Variants in MSRA observed in about 807,000 individuals in gnomAD.
MSRA encodes mitochondrial peptide methionine sulfoxide reductase.
A neutral mutation model predicts 31.3 loss-of-function variants in MSRA; 54 were observed. That is an observed-to-expected ratio of 1.73 (90% confidence interval 1.39 to 2.17). The LOEUF (loss-of-function observed/expected upper bound fraction) is 2.17. Ranked by LOEUF, MSRA falls within the 30% of genes most tolerant of loss-of-function variation. The pLI is 0.00. For missense variants in MSRA, 507 were observed against 300.9 expected (o/e 1.69, Z -5.07); for synonymous variants, 169 against 116.5 (o/e 1.45, Z -2.90).
intron 1 of MSRA, among the ~76,000 whole-genome samples, chr8:10,075,691 C>G (rs1192230315): frequency 6.6e-6 from 1 of 152,182 alleles, no homozygotes; most frequent in Admixed American, 6.5e-5. Flanking sequence ...GATGATTTTA[C>G]GATATAACAA....
intron 1 of MSRA, among the ~76,000 whole-genome samples, chr8:10,097,107 T>C (rs957231769): frequency 2.0e-5 from 3 of 152,216 alleles, no homozygotes; most frequent in Non-Finnish European, 4.4e-5. Flanking sequence ...ATTAATTGTT[T>C]CACATGTTTT....
intron 2 of MSRA, among the ~76,000 whole-genome samples, chr8:10,236,129 C>T (rs575634461): frequency 6.6e-6 from 1 of 152,256 alleles, no homozygotes; most frequent in East Asian, 1.9e-4. Flanking sequence ...CTTTCTCAAC[C>T]TGATAAAGGA....
intron 1 of MSRA, among the ~76,000 whole-genome samples, chr8:10,194,276 G>T (rs1040442796): frequency 6.6e-6 from 1 of 152,168 alleles, no homozygotes; most frequent in African/African-American, 2.4e-5. Flanking sequence ...TTAAAAAGAA[G>T]ATAATTAAGG....
chr8:10,347,437 C>T (rs1447295045), intron 5 of MSRA, among the ~76,000 whole-genome samples: 1 of 152,288 alleles, frequency 6.6e-6, no homozygotes, highest in Non-Finnish European at 1.5e-5. Context: ...TTTGTAAAGT[C>T]CCACCATGCT....
chr8:10,111,636 G>T (rs1281543616), intron 1 of MSRA, among the ~76,000 whole-genome samples: 1 of 152,120 alleles, frequency 6.6e-6, no homozygotes, highest in African/African-American at 2.4e-5. Context: ...GGTATTTTGA[G>T]ATCTTTCAGA....
intron 3 of MSRA, among the ~76,000 whole-genome samples, chr8:10,249,038 G>A (rs1797778357): frequency 6.6e-6 from 1 of 152,136 alleles, no homozygotes; most frequent in East Asian, 1.9e-4. Flanking sequence ...AGGTTGGTGA[G>A]CTAGAACAGC....
chr8:10,328,805 C>T (rs935433284), intron 5 of MSRA, among the ~76,000 whole-genome samples: 4 of 152,152 alleles, frequency 2.6e-5, no homozygotes, highest in African/African-American at 9.6e-5. Context: ...ACTATGAGAA[C>T]CACAGGGACT....
At chr8:10,344,118 A>G (rs547715585) in intron 5 of MSRA, among the ~76,000 whole-genome samples, 16 of 152,316 alleles carry the variant, frequency 1.1e-4, no homozygotes, top group South Asian at 6.2e-4. Flanking sequence ...AGGAAGTTGC[A>G]TGTATCACCC....
chr8:10,301,874 C>G (rs959991532), intron 4 of MSRA, among the ~76,000 whole-genome samples: 1 of 152,140 alleles, frequency 6.6e-6, no homozygotes, highest in Non-Finnish European at 1.5e-5. Context: ...TGGGAAAATT[C>G]CCACAGAGGA....
chr8:10,094,641 G>A (rs753821446), intron 1 of MSRA, among the ~76,000 whole-genome samples: 1 of 152,148 alleles, frequency 6.6e-6, no homozygotes, highest in Admixed American at 6.5e-5. Context: ...TCTATGAAAC[G>A]ATGATTCTAG....
At chr8:10,160,388 G>C in intron 1 of MSRA, among the ~76,000 whole-genome samples, 1 of 151,878 alleles carries the variant, frequency 6.6e-6, no homozygotes, top group South Asian at 2.1e-4. Context: ...CCAGCTACTT[G>C]GGAGGCTAAG....
At chr8:10,357,931 CT>C (rs1313894070) in intron 5 of MSRA, among the ~76,000 whole-genome samples, 2 of 152,000 alleles carry the variant, frequency 1.3e-5, no homozygotes, top group East Asian at 3.9e-4. Context: ...AATCTTGGTA[CT>C]TTTTTTTGAA....
At chr8:10,086,202 G>T (rs1798551133) in intron 1 of MSRA, among the ~76,000 whole-genome samples, 1 of 152,154 alleles carries the variant, frequency 6.6e-6, no homozygotes, top group African/African-American at 2.4e-5. Context: ...ACTTGATATT[G>T]TCTGTCTTTA....
At chr8:10,366,767 C>G (rs1805191908) in intron 5 of MSRA, among the ~76,000 whole-genome samples, 1 of 152,156 alleles carries the variant, frequency 6.6e-6, no homozygotes, top group Admixed American at 6.5e-5. Context: ...TCATTCTGAG[C>G]ACCATTAGTA....
chr8:10,076,636 G>A (rs910396227), intron 1 of MSRA, among the ~76,000 whole-genome samples: 6 of 152,030 alleles, frequency 3.9e-5, no homozygotes, highest in Admixed American at 6.6e-5. Flanking sequence ...ATTTCTTTGC[G>A]GGGCAGTGAG....
intron 5 of MSRA, among the ~76,000 whole-genome samples, chr8:10,333,746 C>G (rs184908047): frequency 6.6e-6 from 1 of 151,600 alleles, no homozygotes; most frequent in Non-Finnish European, 1.5e-5. Context: ...GTTCGCATCA[C>G]GCTTGGCTTG....
intron 1 of MSRA, among the ~76,000 whole-genome samples, chr8:10,121,844 ATTTTTTT>A (rs35572639): frequency 6.8e-6 from 1 of 146,818 alleles, no homozygotes; most frequent in African/African-American, 2.5e-5. Flanking sequence ...CTAATTTTTA[ATTTTTTT>A]TTTTTTTTTG....
At chr8:10,271,950 C>T (rs1379798451) in intron 3 of MSRA, among the ~76,000 whole-genome samples, 2 of 152,070 alleles carry the variant, frequency 1.3e-5, no homozygotes, top group African/African-American at 2.4e-5. Context: ...TAAGGTGACC[C>T]GCACACCTCG....
At chr8:10,208,111 G>A (rs909172918) in intron 2 of MSRA, among the ~76,000 whole-genome samples, 7 of 152,042 alleles carry the variant, frequency 4.6e-5, no homozygotes, top group Admixed American at 2.0e-4. Flanking sequence ...ATTTTCTCAC[G>A]TTGACAACCA....
Sources: gnomAD v4.1 joint callset for allele counts (sites outside exome capture counted in the v4.1 genomes callset) on GRCh38, gnomAD v4.1.1 for gene constraint, MANE v1.5 for transcripts, NCBI Gene and HGNC (gene_info 2026-07-23, HGNC 2026-07-21) for gene names.